The following ATP6V0D2 variants were observed in gnomAD, a reference collection of about 807,000 sequenced individuals.
ATP6V0D2 encodes the protein ATPase H+ transporting V0 subunit d2.
ATP6V0D2 carries 40 observed loss-of-function variants against 40.0 expected under a neutral mutation model. The ratio of observed to expected loss-of-function variants is 1.00; its 90% confidence interval spans 0.78 to 1.30. The LOEUF is 1.30. Ranked by LOEUF, ATP6V0D2 falls within the 50% of genes most tolerant of loss-of-function variation. The probability of loss-of-function intolerance (pLI) is 0.00; values close to 1 mark genes in which losing one functional copy is unlikely to be tolerated. For missense variants in ATP6V0D2, 470 were observed against 423.1 expected (o/e 1.11, Z -0.97); for synonymous variants, 179 against 156.3 (o/e 1.15, Z -1.08).
At chr8:86,116,484 A>T (rs1322171453) in intron 2 of ATP6V0D2, among the ~76,000 whole-genome samples, 2 of 152,144 alleles carry the variant, frequency 1.3e-5, no homozygotes, top group Non-Finnish European at 2.9e-5. Context: ...GGGATTATAG[A>T]CGTGCACCAT....
At chr8:86,133,173 G>A (rs1818849451) in intron 2 of ATP6V0D2, among the ~76,000 whole-genome samples, 2 of 151,784 alleles carry the variant, frequency 1.3e-5, no homozygotes, top group South Asian at 4.2e-4. Context: ...ATTTTCCTTC[G>A]GGTTGCCTCA....
At chr8:86,139,759 A>C in intron 3 of ATP6V0D2, 124 bp downstream of exon 3, 1 of 1,032,996 alleles carries the variant, frequency 9.7e-7, no homozygotes, top group Non-Finnish European at 1.4e-6. Flanking sequence ...ATTTTTTTCC[A>C]TGAATACAGT....
At chr8:86,142,443 C>T (rs1354156889) in intron 4 of ATP6V0D2, among the ~76,000 whole-genome samples, 3 of 152,198 alleles carry the variant, frequency 2.0e-5, no homozygotes, top group African/African-American at 7.2e-5. Flanking sequence ...CAAACTCAGG[C>T]AGTCTGACCC....
intron 2 of ATP6V0D2, among the ~76,000 whole-genome samples, chr8:86,117,162 G>GT (rs985766955): frequency 2.0e-5 from 3 of 151,968 alleles, no homozygotes; most frequent in Admixed American, 6.6e-5. Context: ...AATGTTTGTG[G>GT]TTTTTTGCTG....
chr8:86,120,208 G>A (rs1818650581), intron 2 of ATP6V0D2, among the ~76,000 whole-genome samples: 1 of 152,142 alleles, frequency 6.6e-6, no homozygotes, highest in South Asian at 2.1e-4. Flanking sequence ...AAAGCCTGGT[G>A]AACATAGTGA....
intron 2 of ATP6V0D2, among the ~76,000 whole-genome samples, chr8:86,127,202 T>C (rs1181616040): frequency 6.6e-6 from 1 of 152,168 alleles, no homozygotes; most frequent in African/African-American, 2.4e-5. Context: ...GACTAGGAAA[T>C]CACGCGATAT....
At chr8:86,139,370 A>G in intron 2 of ATP6V0D2, 87 bp from the exon 3 acceptor site, 1 of 1,142,828 alleles carries the variant, frequency 8.8e-7, no homozygotes. Flanking sequence ...AACAGTGTGT[A>G]CCTAAAGAGT....
intron 5 of ATP6V0D2, among the ~76,000 whole-genome samples, chr8:86,145,684 A>G (rs1819060368): frequency 6.6e-6 from 1 of 152,202 alleles, no homozygotes; most frequent in African/African-American, 2.4e-5. Context: ...CATAAATTCA[A>G]CTACTAGCCA....
chr8:86,132,217 A>G (rs768933817), intron 2 of ATP6V0D2, among the ~76,000 whole-genome samples: 31 of 152,076 alleles, frequency 2.0e-4, no homozygotes, highest in Non-Finnish European at 4.0e-4. Context: ...TAATTGATAA[A>G]TAACATTTTC....
At chr8:86,132,133 G>A (rs1017287339) in intron 2 of ATP6V0D2, among the ~76,000 whole-genome samples, 7 of 152,070 alleles carry the variant, frequency 4.6e-5, no homozygotes, top group African/African-American at 1.7e-4. Context: ...ATGATGTATA[G>A]CCCTGAGGTA....
At chr8:86,147,301 T>C (rs1480794520) in intron 5 of ATP6V0D2, among the ~76,000 whole-genome samples, 1 of 152,296 alleles carries the variant, frequency 6.6e-6, no homozygotes, top group South Asian at 2.1e-4. Context: ...GAGTTTATGA[T>C]GTGCAACCGA....
rs1818555337 is a variant in ATP6V0D2 at position 86,113,718 on chromosome 8, T to C, written c.140T>C (p.Ile47Thr). Residue 47 changes from isoleucine (I) to threonine (T), a missense_variant, in exon 2 of 8, where the codon ATT (isoleucine) becomes ACT (threonine). Transcript: ENST00000285393. ...VQCETLEDLK[I>T]HLQTTDYGNF... ...TTTCATTTAATTTCAGACCTGAAAA[T>C]TCATCTCCAGACTACTGATTATGGT... The C allele has an allele frequency of 6.3e-7, 1 of 1,597,500 alleles. No individual in the cohort carries two copies. Among genetic ancestry groups the C allele is most frequent in the Non-Finnish European group, 8.5e-7 (1 of 1,171,696 alleles).
chr8:86,112,925 A>G (rs745476487), intron 1 of ATP6V0D2, among the ~76,000 whole-genome samples: 4 of 152,214 alleles, frequency 2.6e-5, no homozygotes, highest in Admixed American at 2.0e-4. Flanking sequence ...CTGAACTTCA[A>G]TTTCTTCGTC....
intron 2 of ATP6V0D2, among the ~76,000 whole-genome samples, chr8:86,129,399 GGCATGGT>G (rs1818787103): frequency 6.6e-6 from 1 of 152,202 alleles, no homozygotes; most frequent in South Asian, 2.1e-4. Flanking sequence ...AATCTGGCCA[GGCATGGT>G]GGCTCATGCC....
Position 86,142,904 on chromosome 8 carries a change from T to C in ATP6V0D2, c.589T>C (p.Cys197Arg). Residue 197 changes from cysteine (C) to arginine (R), a missense_variant, in exon 5 of 8, where the codon TGT (cysteine) becomes CGT (arginine). Coordinates refer to ENST00000285393, the MANE Select transcript of ATP6V0D2 (RefSeq NM_152565.1). ...TTACCTTGAGGCATTCTATAAATTCTGTAAGAATCATGGTGATGTCACAGC... is the reference window on the plus strand; with the variant it reads ...TTACCTTGAGGCATTCTATAAATTCCGTAAGAATCATGGTGATGTCACAGC... ...KSYLEAFYKF[C>R]KNHGDVTAEV... 1 of 1,610,032 alleles carries C rather than the reference T, an allele frequency of 6.2e-7. No homozygotes were observed. Among genetic ancestry groups the C allele is most frequent in the Non-Finnish European group, 8.5e-7 (1 of 1,177,544 alleles).
intron 2 of ATP6V0D2, 57 bp downstream of exon 2, chr8:86,113,937 A>G (rs1586088110): frequency 6.7e-7 from 1 of 1,486,416 alleles, no homozygotes; most frequent in East Asian, 2.3e-5. Flanking sequence ...GATGACCCCT[A>G]ACAATTACAG....
chr8:86,102,470 G>A (rs1818415496), intron 1 of ATP6V0D2, among the ~76,000 whole-genome samples: 1 of 152,196 alleles, frequency 6.6e-6, no homozygotes, highest in African/African-American at 2.4e-5. Context: ...GGGACTTTCT[G>A]TAAAAGAAAA....
intron 2 of ATP6V0D2, among the ~76,000 whole-genome samples, chr8:86,137,636 T>C (rs2721258): frequency 0.85 from 129,578 of 152,066 alleles, 55,334 homozygotes; most frequent in Middle Eastern, 0.91. Flanking sequence ...TCTGCACCCA[T>C]TGCAACCTCC....
intron 2 of ATP6V0D2, among the ~76,000 whole-genome samples, chr8:86,133,098 GAGA>G (rs1818848620): frequency 6.6e-6 from 1 of 152,098 alleles, no homozygotes; most frequent in Non-Finnish European, 1.5e-5. Context: ...AAAAGATAGA[GAGA>G]AGAAGACTGA....
Sources: gnomAD v4.1 joint callset for allele counts (sites outside exome capture counted in the v4.1 genomes callset) on GRCh38, gnomAD v4.1.1 for gene constraint, MANE v1.5 for transcripts, NCBI Gene and HGNC (gene_info 2026-07-23, HGNC 2026-07-21) for gene names.